The following SRGAP3 variants were observed in gnomAD, a reference collection of about 807,000 sequenced individuals.
The protein encoded by SRGAP3 is SLIT-ROBO Rho GTPase-activating protein 3.
SRGAP3 carries 39 observed loss-of-function variants against 121.1 expected under a neutral mutation model. The ratio of observed to expected loss-of-function variants is 0.32; its 90% confidence interval spans 0.25 to 0.42. The LOEUF is 0.42. SRGAP3 is among the 10% of genes least tolerant of loss of function. The pLI, the probability that SRGAP3 is intolerant of heterozygous loss-of-function variation, is 1.00. For missense variants in SRGAP3, 1,213 were observed against 1,470.6 expected (o/e 0.82, Z 2.86); for synonymous variants, 601 against 570.0 (o/e 1.05, Z -0.77).
chr3:9,214,649 G>A (rs1952555141), intron 1 of SRGAP3, among the ~76,000 whole-genome samples: 1 of 152,166 alleles, frequency 6.6e-6, no homozygotes, highest in Non-Finnish European at 1.5e-5. Context: ...GAGCCCCTCT[G>A]AAATCCATGG....
chr3:9,297,439 A>G (rs1229564946), intron 3 of SRGAP3, among the ~76,000 whole-genome samples: 1 of 152,156 alleles, frequency 6.6e-6, no homozygotes, highest in East Asian at 1.9e-4. Context: ...ATTACATAAT[A>G]TTATAGGCTG....
chr3:9,105,952 C>G (rs897686336), intron 2 of SRGAP3, among the ~76,000 whole-genome samples: 1 of 152,186 alleles, frequency 6.6e-6, no homozygotes, highest in Non-Finnish European at 1.5e-5. Context: ...AGCCTATTTT[C>G]TAATAAACTG....
At chr3:9,151,876 C>T (rs936354383) in intron 1 of SRGAP3, among the ~76,000 whole-genome samples, 1 of 152,150 alleles carries the variant, frequency 6.6e-6, no homozygotes, top group Non-Finnish European at 1.5e-5. Flanking sequence ...AAGCAGGCAA[C>T]GGGAATCCAG....
At chr3:9,046,460 G>C (rs1945283285) in intron 10 of SRGAP3, among the ~76,000 whole-genome samples, 1 of 152,262 alleles carries the variant, frequency 6.6e-6, no homozygotes, top group South Asian at 2.1e-4. Flanking sequence ...AGTAAGGAAA[G>C]GGAGAATGAC....
chr3:9,158,530 C>A (rs899553821), intron 1 of SRGAP3, among the ~76,000 whole-genome samples: 3 of 152,150 alleles, frequency 2.0e-5, no homozygotes, highest in African/African-American at 4.8e-5. Context: ...CTCAAAAATA[C>A]CCCCGGTATT....
In SRGAP3 at chr3:9,148,627, G is replaced by A. The variant is rs948060106; in HGVS notation, c.68-23710C>T. 4.6e-5 allele frequency among the ~76,000 whole-genome samples: 7 copies of A among 152,108 alleles called. No individual in the cohort carries two copies. The East Asian group carries it at 5.8e-4, about 13-fold the overall frequency. The stretch of plus-strand genomic sequence containing the variant: ...GCATCCATTATTTATTTGACCCCAC[G>A]GGGCCTCCAATTTACAATGGAGAAC... On this transcript the variant is annotated intron_variant, in intron 1 of 21. Transcript: ENST00000383836.
At chr3:9,251,118 C>A (rs948937637), upstream of SRGAP3, among the ~76,000 whole-genome samples, 12 of 152,146 alleles carry the variant, frequency 7.9e-5, no homozygotes, top group African/African-American at 2.7e-4. Context: ...CTGCAGTGGG[C>A]GTCCCCAGGC....
At chr3:9,250,781 C>T (rs987810288), upstream of SRGAP3, among the ~76,000 whole-genome samples, 2 of 152,184 alleles carry the variant, frequency 1.3e-5, no homozygotes, top group African/African-American at 4.8e-5. Flanking sequence ...AGGTCACCAG[C>T]CTTCCAACCC....
chr3:9,361,344 G>A (rs768657725), intron 1 of SRGAP3, among the ~76,000 whole-genome samples: 2 of 151,992 alleles, frequency 1.3e-5, no homozygotes, highest in Non-Finnish European at 2.9e-5. Context: ...GCTCAAGCGA[G>A]CCACTCACCT....
intron 3 of SRGAP3, among the ~76,000 whole-genome samples, chr3:9,097,177 G>A (rs1266210053): frequency 1.3e-5 from 2 of 151,434 alleles, no homozygotes; most frequent in Admixed American, 6.6e-5. Context: ...TTTCTGTAGA[G>A]ATGCGGTATT....
chr3:9,124,467 T>C (rs939079143), intron 2 of SRGAP3, among the ~76,000 whole-genome samples: 17 of 152,230 alleles, frequency 1.1e-4, no homozygotes, highest in African/African-American at 4.1e-4. Flanking sequence ...TGAGCACCTA[T>C]TGTCTGTGAC....
chr3:9,203,936 C>G (rs775840760), intron 1 of SRGAP3, among the ~76,000 whole-genome samples: 3 of 152,204 alleles, frequency 2.0e-5, no homozygotes, highest in African/African-American at 7.2e-5. Context: ...ACTGATGGGG[C>G]CTGGTCTCTG....
At chr3:9,073,714 C>G (rs943356207) in intron 4 of SRGAP3, among the ~76,000 whole-genome samples, 1 of 152,228 alleles carries the variant, frequency 6.6e-6, no homozygotes, top group Admixed American at 6.5e-5. Flanking sequence ...TCAACAAGCA[C>G]TGTACATGAT....
intron 3 of SRGAP3, among the ~76,000 whole-genome samples, chr3:9,279,661 C>T (rs963586217): frequency 6.6e-6 from 1 of 151,686 alleles, no homozygotes; most frequent in Non-Finnish European, 1.5e-5. Context: ...TTACAGGTGC[C>T]CACCACCACA....
intron 2 of SRGAP3, among the ~76,000 whole-genome samples, chr3:9,115,957 T>G (rs1000681375): frequency 1.3e-5 from 2 of 152,248 alleles, no homozygotes; most frequent in African/African-American, 4.8e-5. Flanking sequence ...AAAAGGAGAT[T>G]GGAGGACATT....
At chr3:9,015,051 A>G (rs1943562596) in intron 15 of SRGAP3, among the ~76,000 whole-genome samples, 1 of 152,172 alleles carries the variant, frequency 6.6e-6, no homozygotes, top group Admixed American at 6.5e-5. Flanking sequence ...TAGCAATGTC[A>G]GAGAAAAATC....
At chr3:9,353,439 T>C (rs575516226) in intron 1 of SRGAP3, among the ~76,000 whole-genome samples, 2 of 152,390 alleles carry the variant, frequency 1.3e-5, no homozygotes, top group South Asian at 4.1e-4. Context: ...TCCAAACGAA[T>C]GAGCTGCTTT....
At chr3:9,175,311 G>A (rs1388776363) in intron 1 of SRGAP3, among the ~76,000 whole-genome samples, 1 of 152,198 alleles carries the variant, frequency 6.6e-6, no homozygotes, top group Non-Finnish European at 1.5e-5. Context: ...CTTCTGCACT[G>A]CTCTGTCTCC....
At chr3:9,030,059 G>A (rs113168149) in intron 12 of SRGAP3, among the ~76,000 whole-genome samples, 2,966 of 152,180 alleles carry the variant, frequency 0.019, 96 homozygotes, top group African/African-American at 0.068. Context: ...GGCTGAGGTG[G>A]GAGGATCACT....
Sources: gnomAD v4.1 joint callset for allele counts (sites outside exome capture counted in the v4.1 genomes callset) on GRCh38, gnomAD v4.1.1 for gene constraint, MANE v1.5 for transcripts, NCBI Gene and HGNC (gene_info 2026-07-23, HGNC 2026-07-21) for gene names.